The following PLXNA1 variants were observed in gnomAD, a reference collection of about 807,000 sequenced individuals.
The protein encoded by PLXNA1 is plexin-A1.
Under a neutral mutation model 191.7 loss-of-function variants are expected in PLXNA1, and 77 were observed. The ratio of observed to expected loss-of-function variants is 0.40; its 90% CI spans 0.33 to 0.49. The LOEUF is 0.49. PLXNA1 is among the 20% of genes least tolerant of loss of function. The pLI, the probability that PLXNA1 is intolerant of heterozygous loss-of-function variation, is 0.63. For missense variants in PLXNA1, 2,110 were observed against 2,660.2 expected, an observed-to-expected ratio of 0.79 and a Z score of 4.55; for synonymous variants, 1,137 against 1,156.4, an observed-to-expected ratio of 0.98 and a Z score of 0.34.
intron 29 of PLXNA1, among the ~76,000 whole-genome samples, chr3:127,031,336 T>A (rs941737293): frequency 6.6e-6 from 1 of 152,074 alleles, no homozygotes; most frequent in African/African-American, 2.4e-5. Flanking sequence ...GGGGAGCCCC[T>A]CTCTGTGCAC....
Position 126,991,424 on chromosome 3 carries a change from A to G in PLXNA1, c.1235A>G (p.Asn412Ser). 2 of 1,612,812 alleles carry G rather than the reference A, an allele frequency of 1.2e-6. No individual in the cohort carries two copies. Among genetic ancestry groups the G allele is most frequent in the Non-Finnish European group, 1.7e-6 (2 of 1,179,866 alleles). The change falls in exon 3 of 32, where the codon AAC (asparagine) becomes AGC (serine). Residue 412 changes from asparagine (N) to serine (S), a missense_variant. Asn to Ser is a conservative substitution (Grantham distance 46, BLOSUM62 1). Coordinates refer to ENST00000393409, the MANE Select transcript of PLXNA1 (RefSeq NM_032242.4). ...IDDDFCGQDF[N>S]QPLGGTVTIE... Reference sequence around the variant, plus strand: ...GACGACTTCTGCGGGCAGGACTTCAACCAGCCCCTGGGGGGCACAGTCACC... The same window carrying G: ...GACGACTTCTGCGGGCAGGACTTCAGCCAGCCCCTGGGGGGCACAGTCACC...
At position 127,004,863 on chromosome 3, in the gene PLXNA1, G is replaced by A. The variant is rs777118121; in HGVS notation, c.1620-22G>A. On this transcript the variant is annotated intron_variant, in intron 5 of 31. Coordinates refer to ENST00000393409, the MANE Select transcript of PLXNA1 (RefSeq NM_032242.4). ...CCCCGTAGGTCTCCCCATCCGCCCA[G>A]CCTCAACCCCTCTGCCTGCAGCTGC... 1.1e-5 allele frequency: 17 copies of A among 1,575,452 alleles called. 1 individual carries two copies. The Admixed American group carries it at 3.0e-4, about 28-fold the overall frequency.
chr3:127,013,908 T>A, intron 10 of PLXNA1, 112 bp from the exon 11 acceptor site: 1 of 892,432 alleles, frequency 1.1e-6, no homozygotes, highest in Non-Finnish European at 1.9e-6. Flanking sequence ...GGAGCGGTTG[T>A]GGCTGCAGAA....
chr3:126,985,419 G>A (rs1021282434), intron 1 of PLXNA1, among the ~76,000 whole-genome samples: 5 of 152,074 alleles, frequency 3.3e-5, no homozygotes, highest in Admixed American at 6.5e-5. Context: ...TGGCCATGCC[G>A]GAGAGCCACA....
At chr3:126,992,819 G>C (rs964803901) in intron 3 of PLXNA1, among the ~76,000 whole-genome samples, 2 of 152,120 alleles carry the variant, frequency 1.3e-5, no homozygotes, top group Non-Finnish European at 2.9e-5. Flanking sequence ...GCCCCCATGT[G>C]GGGTACCGCC....
At chr3:127,000,890 C>T (rs2079036909) in intron 3 of PLXNA1, among the ~76,000 whole-genome samples, 1 of 152,216 alleles carries the variant, frequency 6.6e-6, no homozygotes, top group East Asian at 1.9e-4. Context: ...AGTGGCCTCC[C>T]CAGTGCCCCG....
At chr3:126,984,637 G>A (rs969378152) in intron 1 of PLXNA1, among the ~76,000 whole-genome samples, 37 of 146,184 alleles carry the variant, frequency 2.5e-4, no homozygotes, top group Admixed American at 4.1e-4. Flanking sequence ...TGCCAGTGGG[G>A]CCCAGGAAGG....
intron 2 of PLXNA1, among the ~76,000 whole-genome samples, chr3:126,990,056 T>A (rs115090762): frequency 0.026 from 4,036 of 152,336 alleles, 84 homozygotes; most frequent in Middle Eastern, 0.041. Flanking sequence ...GCTGGCATAG[T>A]CCACAGCCCC....
Position 127,012,180 on chromosome 3 carries a change from C to T in PLXNA1, c.2313+22C>T, listed in dbSNP as rs749597737. On this transcript the variant is annotated intron_variant, in intron 10 of 31. Coordinates refer to ENST00000393409, the MANE Select transcript of PLXNA1 (RefSeq NM_032242.4). ...CTCGGTGAGGTGGCCAGGGCAGGGG[C>T]TGGGGGCCGTGAGCCGGAATGGGCC... is the stretch of plus-strand genomic sequence containing the variant. 3.4e-5 allele frequency: 55 copies of T among 1,603,318 alleles called. No homozygotes were observed. In the South Asian group the frequency reaches 3.6e-4, roughly 11 times the overall value.
At chr3:127,013,318 G>A (rs1400138216) in intron 10 of PLXNA1, among the ~76,000 whole-genome samples, 1 of 152,170 alleles carries the variant, frequency 6.6e-6, no homozygotes, top group East Asian at 1.9e-4. Flanking sequence ...AAGGGAAGCG[G>A]GAGTATCGGG....
In PLXNA1 at chr3:127,018,297, C is replaced by T. The variant is rs750543374; in HGVS notation, c.3664C>T (p.Arg1222Trp). The T allele has an allele frequency of 7.5e-6, 12 of 1,597,456 alleles. No homozygotes were observed. Among genetic ancestry groups the T allele is most frequent in the East Asian group, 4.6e-5 (2 of 43,932 alleles). Residue 1222 changes from arginine to tryptophan, a missense_variant, in exon 20 of 32, where the codon CGG (arginine) becomes TGG (tryptophan). This residue lies in a region of PLXNA1 where 644 missense variants were observed against 714.3 expected (regional missense o/e 0.90). Transcript: ENST00000393409. ...NLTGQHKVTVRAGGFEFSPGT... is the reference protein window; with the variant it reads ...NLTGQHKVTVWAGGFEFSPGT... ...AGTGGCCTCCACCCACTGGCAGGTG[C>T]GGGCAGGTGGCTTCGAGTTCTCGCC...
intron 3 of PLXNA1, among the ~76,000 whole-genome samples, chr3:126,999,050 A>G (rs914754014): frequency 6.6e-6 from 1 of 152,030 alleles, no homozygotes; most frequent in Non-Finnish European, 1.5e-5. Context: ...CCACAGCTGG[A>G]GGAGGGGGCA....
chr3:127,007,820 C>T lies in PLXNA1; in HGVS notation c.2019C>T (p.Gly673=). ...GCAGCTGCCTGTCCTGTGTCAACGGCTCCTTTCCCTGCCACTGGTGCAAAT... is the reference window on the plus strand; with the variant it reads ...GCAGCTGCCTGTCCTGTGTCAACGGTTCCTTTCCCTGCCACTGGTGCAAAT... The part of the protein sequence containing the change: ...VHQSCLSCVN[G]SFPCHWCKYR... The change falls in exon 9 of 32, where the codon GGC becomes GGT. Residue 673 remains glycine, a synonymous_variant. Transcript: ENST00000393409. The T allele has an allele frequency of 6.2e-7, 1 of 1,612,834 alleles. No homozygotes were observed. Among genetic ancestry groups the T allele is most frequent in the Middle Eastern group, 1.7e-4 (1 of 6,052 alleles).
chr3:126,995,452 C>T (rs2079010881), intron 3 of PLXNA1, among the ~76,000 whole-genome samples: 1 of 152,250 alleles, frequency 6.6e-6, no homozygotes, highest in Middle Eastern at 3.2e-3. Flanking sequence ...TGTCCCCCTA[C>T]AGAGGAAGCT....
At chr3:126,993,832 G>T (rs563362509) in intron 3 of PLXNA1, among the ~76,000 whole-genome samples, 2 of 152,192 alleles carry the variant, frequency 1.3e-5, no homozygotes, top group African/African-American at 4.8e-5. Context: ...AGAACCTGCC[G>T]CCTGTACTCT....
chr3:127,029,143 G>T (rs768664369), intron 26 of PLXNA1, 47 bp downstream of exon 26: 33 of 1,439,008 alleles, frequency 2.3e-5, no homozygotes, highest in Non-Finnish European at 2.4e-5. Flanking sequence ...CTCCCCTTGG[G>T]GCTTCCACAG....
intron 5 of PLXNA1, 71 bp from the exon 6 acceptor site, chr3:127,004,813 GC>G (rs1481212157): frequency 8.9e-6 from 14 of 1,581,340 alleles, no homozygotes; most frequent in Non-Finnish European, 1.2e-5. Flanking sequence ...CGAGTTCTCT[GC>G]CCAGGTCCCG....
In PLXNA1 at chr3:126,988,639, C is replaced by T. The variant is rs1401673148; in HGVS notation, c.46C>T (p.Leu16=). ...RSLQVLLLLL[L]LLLLLPGMWA... is the part of the protein sequence containing the mutation. ...CCTGCAGGTGCTCCTGCTGCTGCTGCTGTTGCTGCTGCTGCTGCCGGGCAT... is the reference window on the plus strand; with the variant it reads ...CCTGCAGGTGCTCCTGCTGCTGCTGTTGTTGCTGCTGCTGCTGCCGGGCAT... Residue 16 remains leucine (L), a synonymous_variant, in exon 2 of 32, where the codon CTG becomes TTG. Transcript: ENST00000393409. 5 of 1,574,426 alleles carry T rather than the reference C, an allele frequency of 3.2e-6. No individual in the cohort carries two copies. The highest frequency in any genetic ancestry group is 2.2e-5 in the East Asian group (1 of 44,488).
In PLXNA1 at chr3:126,988,922, G is replaced by A. The variant is rs151164953; in HGVS notation, c.329G>A (p.Ser110Asn). ...CAGTCCTGCCCCCACGGCCTGGGCA[G>A]TACTGACAACGTCAACAAGCTGCTG... ...SVQSCPHGLG[S>N]TDNVNKLLLL... Residue 110 changes from serine (S) to asparagine (N), a missense_variant, in exon 2 of 32, where the codon AGT becomes AAT. Ser to Asn is a conservative substitution (Grantham distance 46, BLOSUM62 1). Around this residue, in one of 4 missense-constraint regions of PLXNA1, gnomAD observed 903 missense variants for 1,015.7 expected, o/e 0.89. Coordinates refer to ENST00000393409, the MANE Select transcript of PLXNA1 (RefSeq NM_032242.4). 2,288 of 1,613,242 alleles carry A rather than the reference G, an allele frequency of 1.4e-3. 3 individuals carry two copies. The highest frequency in any genetic ancestry group is 1.8e-3 in the Non-Finnish European group (2,115 of 1,180,010).
Sources: allele counts gnomAD v4.1 joint callset (sites outside exome capture counted in the v4.1 genomes callset), GRCh38; gene constraint gnomAD v4.1.1; regional missense constraint gnomAD v4.1.1; transcripts MANE v1.5; gene names NCBI Gene and HGNC (gene_info 2026-07-23, HGNC 2026-07-21).